The following MAP3K5 variants were observed in gnomAD, a reference collection of about 807,000 sequenced individuals.
MAP3K5 encodes the protein mitogen-activated protein kinase kinase kinase 5.
MAP3K5 carries 56 observed loss-of-function variants against 158.7 expected under a neutral mutation model. The observed-to-expected ratio is 0.35, with a 90% confidence interval of 0.28 to 0.44. The LOEUF is 0.44. MAP3K5 is among the 20% of genes least tolerant of loss of function. The pLI, the probability that MAP3K5 is intolerant of heterozygous loss-of-function variation, is 1.00. For synonymous variants in MAP3K5, 579 were observed against 601.7 expected (o/e 0.96, Z 0.55); for missense variants, 1,294 against 1,674.8 (o/e 0.77, Z 3.97).
At chr6:136,637,939 C>A (rs1777725776) in intron 13 of MAP3K5, among the ~76,000 whole-genome samples, 2 of 152,136 alleles carry the variant, frequency 1.3e-5, no homozygotes, top group Admixed American at 1.3e-4. Context: ...TCCATTCATT[C>A]AACAAATACT....
At position 136,697,210 on chromosome 6, in the gene MAP3K5, T is replaced by C. The variant is rs750282215; in HGVS notation, c.975+9A>G. 1 of 1,605,398 alleles carries C rather than the reference T, an allele frequency of 6.2e-7. No homozygotes were observed. The highest frequency in any genetic ancestry group is 1.1e-5 in the South Asian group (1 of 89,994). On this transcript the variant is annotated intron_variant, in intron 5 of 29. Transcript: ENST00000359015. The stretch of plus-strand genomic sequence containing the variant: ...CACAACAAAGATTTCACTTTAAACA[T>C]CTTCTCACCTGGATATCTCTGTAGG...
chr6:136,729,899 T>TA (rs1345058015), intron 1 of MAP3K5, among the ~76,000 whole-genome samples: 3 of 152,200 alleles, frequency 2.0e-5, no homozygotes, highest in Non-Finnish European at 2.9e-5. Flanking sequence ...AAGAAAGAAT[T>TA]AAAGACGTTT....
intron 1 of MAP3K5, among the ~76,000 whole-genome samples, chr6:136,744,672 G>T (rs903073927): frequency 6.6e-6 from 1 of 152,172 alleles, no homozygotes; most frequent in African/African-American, 2.4e-5. Context: ...AGGGAGTTCT[G>T]GTTAGAGAAG....
chr6:136,734,351 C>T (rs185816402), intron 1 of MAP3K5, among the ~76,000 whole-genome samples: 71 of 131,736 alleles, frequency 5.4e-4, no homozygotes, highest in Admixed American at 4.6e-3. Context: ...ACACGAGAGA[C>T]GGAGGTTACA....
intron 1 of MAP3K5, among the ~76,000 whole-genome samples, chr6:136,785,012 C>T (rs184511229): frequency 3.2e-4 from 48 of 152,028 alleles, no homozygotes; most frequent in African/African-American, 9.4e-4. Context: ...TTAACTGGTT[C>T]GTGGGAACCA....
chr6:136,660,084 CTTCT>C (rs751674997), intron 8 of MAP3K5, among the ~76,000 whole-genome samples: 16 of 152,160 alleles, frequency 1.1e-4, no homozygotes, highest in Non-Finnish European at 1.5e-4. Flanking sequence ...ATGTAACCTT[CTTCT>C]TTGTCTTTTT....
chr6:136,606,269 T>A (rs1776095621), intron 18 of MAP3K5, among the ~76,000 whole-genome samples: 1 of 152,096 alleles, frequency 6.6e-6, no homozygotes, highest in Non-Finnish European at 1.5e-5. Flanking sequence ...GAGAATCAGT[T>A]GAACCCAGGA....
At chr6:136,787,034 C>T (rs1312638608) in intron 1 of MAP3K5, among the ~76,000 whole-genome samples, 1 of 152,066 alleles carries the variant, frequency 6.6e-6, no homozygotes, top group African/African-American at 2.4e-5. Flanking sequence ...TCCTTGCTTA[C>T]CCTGCCATTT....
intron 25 of MAP3K5, among the ~76,000 whole-genome samples, chr6:136,569,130 A>G (rs1433742145): frequency 6.6e-6 from 1 of 152,216 alleles, no homozygotes; most frequent in Non-Finnish European, 1.5e-5. Context: ...ATAAGATAAC[A>G]AATTCCAACC....
intron 1 of MAP3K5, among the ~76,000 whole-genome samples, chr6:136,769,738 GGGAAGGAAGGAAGGAAGGAA>G (rs1209835950): frequency 1.5e-4 from 8 of 52,306 alleles, no homozygotes; most frequent in African/African-American, 2.9e-4. Context: ...AAGGGAGGAA[GGGAAGGAAGGAAGGAAGGAA>G]GGAAGGAAGG....
At chr6:136,678,178 G>C (rs1562604527) in intron 7 of MAP3K5, among the ~76,000 whole-genome samples, 1 of 151,940 alleles carries the variant, frequency 6.6e-6, no homozygotes, top group Admixed American at 6.6e-5. Context: ...TAATAAAAGG[G>C]AGTTGAATTA....
chr6:136,754,267 G>A (rs1426881608), intron 1 of MAP3K5, among the ~76,000 whole-genome samples: 2 of 140,114 alleles, frequency 1.4e-5, no homozygotes, highest in Non-Finnish European at 3.1e-5. Flanking sequence ...AGCAAGACTC[G>A]ATAAAAAAAA....
At chr6:136,701,405 T>A (rs895522490) in intron 3 of MAP3K5, among the ~76,000 whole-genome samples, 1 of 152,196 alleles carries the variant, frequency 6.6e-6, no homozygotes, top group Non-Finnish European at 1.5e-5. Context: ...TCACTTCCAG[T>A]TAAAGCACAA....
rs569928876 is a variant in MAP3K5 at position 136,642,386 on chromosome 6, G to C, written c.1838+134C>G. ...AAAGGAGATAGTGACACTGAAGAAG[G>C]CTGGGCATTTCCACCAATTGAATGA... On this transcript the variant is annotated intron_variant, in intron 12 of 29. Transcript: ENST00000359015. 122 of 715,258 alleles carry C rather than the reference G, an allele frequency of 1.7e-4. 3 individuals carry two copies. The South Asian group carries it at 1.9e-3, about 11-fold the overall frequency. The allele number at this position is 715,258 out of a possible 1,614,324, so 44.3% of individuals were successfully genotyped here.
chr6:136,601,083 T>C, intron 20 of MAP3K5, 41 bp from the exon 21 acceptor site: 1 of 1,607,424 alleles, frequency 6.2e-7, no homozygotes. Context: ...AAGCACGTGC[T>C]GGGTTTGTTG....
At chr6:136,759,301 C>T (rs146803539) in intron 1 of MAP3K5, among the ~76,000 whole-genome samples, 58 of 151,490 alleles carry the variant, frequency 3.8e-4, no homozygotes, top group Non-Finnish European at 6.6e-4. Context: ...CAGGCAAAGA[C>T]GAACAAGAAG....
At chr6:136,603,959 G>A (rs1419064575) in intron 19 of MAP3K5, among the ~76,000 whole-genome samples, 1 of 152,228 alleles carries the variant, frequency 6.6e-6, no homozygotes, top group Non-Finnish European at 1.5e-5. Context: ...CCTCACAAGA[G>A]GCTATGCACA....
At chr6:136,651,316 A>G (rs567229622) in intron 10 of MAP3K5, among the ~76,000 whole-genome samples, 1 of 152,324 alleles carries the variant, frequency 6.6e-6, no homozygotes. Flanking sequence ...ATCACCTTGT[A>G]TTGCTAATAA....
At chr6:136,700,730 T>C (rs760013629) in intron 3 of MAP3K5, among the ~76,000 whole-genome samples, 2 of 152,040 alleles carry the variant, frequency 1.3e-5, no homozygotes, top group African/African-American at 2.4e-5. Context: ...AAACATAAAA[T>C]AGTTTCAAGC....
Sources: gnomAD v4.1 joint callset for allele counts (sites outside exome capture counted in the v4.1 genomes callset) on GRCh38, gnomAD v4.1.1 for gene constraint, MANE v1.5 for transcripts, NCBI Gene and HGNC (gene_info 2026-07-23, HGNC 2026-07-21) for gene names.